The following UNC13B variants were observed in gnomAD, a reference collection of about 807,000 sequenced individuals.
The protein encoded by UNC13B is unc-13 homolog B.
UNC13B carries 144 observed loss-of-function variants against 211.0 expected under a neutral mutation model. The ratio of observed to expected loss-of-function variants is 0.68; its 90% CI spans 0.60 to 0.78. The LOEUF (loss-of-function observed/expected upper bound fraction) is 0.78. Among genes scored for constraint, UNC13B ranks in the 30% least tolerant of loss-of-function variants. UNC13B has a pLI of 0.00. For missense variants in UNC13B, 1,777 were observed against 2,002.0 expected (o/e 0.89, Z 2.14); for synonymous variants, 709 against 725.8 (o/e 0.98, Z 0.37).
In UNC13B at chr9:35,231,127, TAACACATATGTGACCCTGAA is replaced by T; in HGVS notation, c.62_81del (p.Asn21SerfsTer14). 1 of 1,609,592 alleles carries T rather than the reference TAACACATATGTGACCCTGAA, an allele frequency of 6.2e-7. No individual in the cohort carries two copies. Among genetic ancestry groups the T allele is most frequent in the Non-Finnish European group, 8.5e-7 (1 of 1,176,302 alleles). On this transcript the variant is annotated frameshift_variant, in exon 3 of 40. Transcript: ENST00000635942. LOFTEE classifies it high-confidence loss of function. ...TTTTGTATTTTTTCAAAGATAAATT[TAACACATATGTGACCCTGAA>T]AGTACAGAATGTGAAGAGCACAACT...
At position 35,398,563 on chromosome 9, in the gene UNC13B, G is replaced by A; in HGVS notation, c.11842G>A (p.Glu3948Lys). 6.2e-7 allele frequency: 1 copy of A among 1,613,998 alleles called. No homozygotes were observed. The highest frequency in any genetic ancestry group is 1.7e-4 in the Middle Eastern group (1 of 5,952). Residue 3948 changes from glutamate to lysine, a missense_variant, in exon 32 of 40, where the codon GAA (glutamate) becomes AAA (lysine). Glu to Lys is a moderately conservative substitution (Grantham distance 56). Transcript: ENST00000635942. ...EAMGGKELDL[E>K]AADSLKELQV... Reference sequence around the variant, plus strand: ...CCTCCTGTGAATACAGCTGGACCTTGAAGCTGCAGACAGTCTGAAGGAGCT... The same window carrying A: ...CCTCCTGTGAATACAGCTGGACCTTAAAGCTGCAGACAGTCTGAAGGAGCT...
intron 11 of UNC13B, among the ~76,000 whole-genome samples, chr9:35,356,401 G>T (rs556930908): frequency 1.3e-5 from 2 of 152,046 alleles, no homozygotes; most frequent in African/African-American, 4.8e-5. Context: ...TATGTGCCAG[G>T]TACTGTTTTA....
At chr9:35,214,450 C>A (rs1461401789) in intron 1 of UNC13B, among the ~76,000 whole-genome samples, 1 of 151,712 alleles carries the variant, frequency 6.6e-6, no homozygotes, top group East Asian at 1.9e-4. Flanking sequence ...CAATCAACAA[C>A]AACAACAAGA....
rs538441866 is a variant in UNC13B at position 35,208,624 on chromosome 9, A to G, written c.23-19391A>G. Among the ~76,000 whole-genome samples, 5 of 152,286 alleles carry G rather than the reference A, an allele frequency of 3.3e-5. No individual in the cohort carries two copies. In the South Asian group the frequency reaches 8.3e-4, roughly 25 times the overall value. ...GGCAGAAGCAAGAGCAAGAGTGGGG[A>G]GGTGCTACACACTTTTAAAACAACC... On this transcript the variant is annotated intron_variant, in intron 1 of 39. Coordinates refer to ENST00000635942, the MANE Select transcript of UNC13B (RefSeq NM_001371189.2).
intron 1 of UNC13B, among the ~76,000 whole-genome samples, chr9:35,211,935 G>A (rs1823990165): frequency 6.6e-6 from 1 of 152,164 alleles, no homozygotes. Flanking sequence ...GAACTCCTGG[G>A]CTCAAGTGAT....
chr9:35,380,780 T>C (rs1834773490), intron 18 of UNC13B, 141 bp downstream of exon 18: 2 of 1,101,962 alleles, frequency 1.8e-6, no homozygotes, highest in Non-Finnish European at 1.3e-6. Context: ...GAACTGACTG[T>C]GGGGAGGGAT....
intron 11 of UNC13B, chr9:35,341,985 C>T: frequency 1.0e-6 from 1 of 985,526 alleles, no homozygotes; most frequent in Non-Finnish European, 1.2e-6. Context: ...TCTCAGAATC[C>T]CCCTTGCCAG....
chr9:35,259,847 C>T (rs932934383), intron 7 of UNC13B, among the ~76,000 whole-genome samples: 1 of 148,374 alleles, frequency 6.7e-6, no homozygotes, highest in Non-Finnish European at 1.5e-5. Context: ...TTCTGAATCT[C>T]ATGCCAAACT....
At chr9:35,197,639 T>C (rs774469115) in intron 1 of UNC13B, among the ~76,000 whole-genome samples, 3 of 152,228 alleles carry the variant, frequency 2.0e-5, no homozygotes, top group East Asian at 1.9e-4. Context: ...ATCCCTAACG[T>C]TGGAGGAGGG....
intron 13 of UNC13B, among the ~76,000 whole-genome samples, chr9:35,370,802 A>C (rs546607029): frequency 1.3e-5 from 2 of 152,352 alleles, no homozygotes; most frequent in Admixed American, 1.3e-4. Flanking sequence ...CCTTCTTGGA[A>C]GTCAAGCAAA....
At chr9:35,245,648 G>T (rs1208115282) in intron 6 of UNC13B, among the ~76,000 whole-genome samples, 1 of 151,784 alleles carries the variant, frequency 6.6e-6, no homozygotes, top group Non-Finnish European at 1.5e-5. Flanking sequence ...ATGGTTTCCA[G>T]CTTCATCCAT....
chr9:35,392,367 A>C (rs925141316), intron 26 of UNC13B, among the ~76,000 whole-genome samples: 6 of 152,142 alleles, frequency 3.9e-5, no homozygotes, highest in Non-Finnish European at 8.8e-5. Context: ...GAGCTGTTGT[A>C]ATAATTTAGG....
At chr9:35,236,412 T>G in intron 3 of UNC13B, 57 bp from the exon 4 acceptor site, 1 of 1,345,560 alleles carries the variant, frequency 7.4e-7, no homozygotes, top group Non-Finnish European at 1.1e-6. Context: ...ACAGGAGATG[T>G]AGTTGTTTCT....
At chr9:35,384,516 G>A (rs898855151) in intron 22 of UNC13B, 1 of 985,416 alleles carries the variant, frequency 1.0e-6, no homozygotes, top group Non-Finnish European at 1.2e-6. Context: ...AGCAGGTATG[G>A]TTAGTTTTTA....
At chr9:35,202,691 C>T (rs1466410874) in intron 1 of UNC13B, among the ~76,000 whole-genome samples, 2 of 151,642 alleles carry the variant, frequency 1.3e-5, no homozygotes, top group East Asian at 1.9e-4. Context: ...TTTTTGTTTT[C>T]CATTTGCTTG....
intron 29 of UNC13B, 46 bp from the exon 30 acceptor site, chr9:35,397,589 G>A: frequency 6.3e-7 from 1 of 1,575,904 alleles, no homozygotes; most frequent in Non-Finnish European, 8.6e-7. Flanking sequence ...CCCCATAGAA[G>A]AGCTAAGAGT....
At chr9:35,197,855 C>T (rs189610114) in intron 1 of UNC13B, among the ~76,000 whole-genome samples, 34 of 152,318 alleles carry the variant, frequency 2.2e-4, no homozygotes, top group African/African-American at 7.9e-4. Context: ...CCTTGCCATG[C>T]TTCCTGTACA....
intron 25 of UNC13B, 142 bp from the exon 26 acceptor site, chr9:35,390,487 C>T: frequency 1.1e-6 from 1 of 914,792 alleles, no homozygotes; most frequent in South Asian, 1.6e-5. Context: ...GGCCCCTTTT[C>T]TCCAGATTGG....
intron 7 of UNC13B, among the ~76,000 whole-genome samples, chr9:35,260,038 CAAA>C (rs61273217): frequency 1.5e-5 from 1 of 64,802 alleles, no homozygotes; most frequent in Non-Finnish European, 2.5e-5. Context: ...CTCATTTCTA[CAAA>C]AAAAAAAAAA....
Sources: gnomAD v4.1 joint callset for allele counts (sites outside exome capture counted in the v4.1 genomes callset) on GRCh38, gnomAD v4.1.1 for gene constraint, MANE v1.5 for transcripts, NCBI Gene and HGNC (gene_info 2026-07-23, HGNC 2026-07-21) for gene names.